LRBA: variants seen among roughly 807,000 people sequenced by gnomAD.
LRBA encodes lipopolysaccharide-responsive and beige-like anchor protein.
In LRBA, 176 loss-of-function variants were observed where a neutral mutation model predicts 330.0. The observed-to-expected ratio is 0.53, with a 90% CI of 0.47 to 0.60. The LOEUF (loss-of-function observed/expected upper bound fraction) is 0.60, where lower values mean the gene tolerates loss of function less well. LRBA is among the 20% of genes least tolerant of loss of function. The pLI, the probability that LRBA is intolerant of heterozygous loss-of-function variation, is 0.00. For synonymous variants in LRBA, 1,230 were observed against 1,193.0 expected (o/e 1.03, Z -0.64); for missense variants, 3,259 against 3,444.8 (o/e 0.95, Z 1.35).
rs1281004079 is a variant in LRBA at position 150,808,338 on chromosome 4, T to C, written c.5366A>G (p.Asp1789Gly). 1 of 1,612,110 alleles carries C rather than the reference T, an allele frequency of 6.2e-7. No homozygotes were observed. The highest frequency in any genetic ancestry group is 8.5e-7 in the Non-Finnish European group (1 of 1,178,694). ...TAAATACCTCATATTTGAAACCGGATCTTGTGAAACTGAATCAACTGTTGG... is the reference window on the plus strand; with the variant it reads ...TAAATACCTCATATTTGAAACCGGACCTTGTGAAACTGAATCAACTGTTGG... The part of the protein sequence containing the change: ...SVPTVDSVSQ[D>G]PVSNMSITER... The change falls in exon 32 of 57, where the codon GAT becomes GGT. Residue 1789 changes from aspartate (D) to glycine (G), a missense_variant. Transcript: ENST00000651943.
chr4:150,838,638 C>T (rs1373882730), intron 28 of LRBA, among the ~76,000 whole-genome samples: 1 of 152,148 alleles, frequency 6.6e-6, no homozygotes, highest in Non-Finnish European at 1.5e-5. Context: ...GTTTTCAGCT[C>T]CATCAGGTCC....
At position 150,683,639 on chromosome 4, in the gene LRBA, G is replaced by A. The variant is rs752669335; in HGVS notation, c.5833C>T (p.Arg1945Cys). The change falls in exon 37 of 57, where the codon CGT becomes TGT. Residue 1945 changes from arginine to cysteine, a missense_variant. Coordinates refer to ENST00000651943, the MANE Select transcript of LRBA (RefSeq NM_001364905.1). ...AGTTGAGTTGCTGTCACGTGGTCACGATATTTTGCTGCTCTTATCAAATGA... is the reference window on the plus strand; with the variant it reads ...AGTTGAGTTGCTGTCACGTGGTCACAATATTTTGCTGCTCTTATCAAATGA... Reference protein sequence around the residue: ...CDHLIRAAKYRDHVTATQLIQ... With the variant: ...CDHLIRAAKYCDHVTATQLIQ... The A allele has an allele frequency of 1.9e-6, 3 of 1,612,996 alleles. No individual in the cohort carries two copies. The highest frequency in any genetic ancestry group is 1.7e-5 in the Admixed American group (1 of 59,944).
chr4:150,669,629 G>A (rs1781872256), intron 37 of LRBA, among the ~76,000 whole-genome samples: 2 of 150,888 alleles, frequency 1.3e-5, no homozygotes, highest in Admixed American at 6.6e-5. Flanking sequence ...GCAATGACAC[G>A]ATTTCAGCTC....
At chr4:150,983,693 G>A (rs577532588) in intron 2 of LRBA, among the ~76,000 whole-genome samples, 5 of 151,606 alleles carry the variant, frequency 3.3e-5, no homozygotes, top group East Asian at 3.9e-4. Context: ...GTCCTCAGGT[G>A]ATCCGCCTGC....
intron 40 of LRBA, among the ~76,000 whole-genome samples, chr4:150,506,470 C>G (rs1761102683): frequency 6.6e-6 from 1 of 152,156 alleles, no homozygotes; most frequent in Non-Finnish European, 1.5e-5. Flanking sequence ...GAACCAAAGA[C>G]AAAAACCACA....
intron 47 of LRBA, among the ~76,000 whole-genome samples, chr4:150,367,187 CTT>C (rs1227475901): frequency 6.6e-6 from 1 of 151,982 alleles, no homozygotes; most frequent in Non-Finnish European, 1.5e-5. Flanking sequence ...GAAAACTAAA[CTT>C]ATAATTTATA....
In LRBA at chr4:150,396,122, T is replaced by C. The variant is rs542345717; in HGVS notation, c.7194+19316A>G. 7.2e-5 allele frequency among the ~76,000 whole-genome samples: 11 copies of C among 152,226 alleles called. No individual in the cohort carries two copies. The South Asian group carries it at 1.9e-3, about 26-fold the overall frequency. On this transcript the variant is annotated intron_variant, in intron 47 of 56. Transcript: ENST00000651943. ...CTAAACAAAGAAGATCCACTCTCAC[T>C]AACATGGGCAGGTATCATCCAATCC...
intron 41 of LRBA, among the ~76,000 whole-genome samples, chr4:150,488,918 C>A (rs1175701748): frequency 8.1e-6 from 1 of 123,140 alleles, no homozygotes; most frequent in Non-Finnish European, 1.7e-5. Flanking sequence ...TATACACACA[C>A]ATAAGAATAT....
intron 47 of LRBA, among the ~76,000 whole-genome samples, chr4:150,408,895 C>T (rs975984674): frequency 2.0e-5 from 3 of 151,832 alleles, no homozygotes; most frequent in Non-Finnish European, 4.4e-5. Context: ...CTTTAATATA[C>T]TTTCATTTTG....
chr4:150,774,324 T>G (rs1279799513), intron 34 of LRBA, among the ~76,000 whole-genome samples: 1 of 152,128 alleles, frequency 6.6e-6, no homozygotes, highest in Non-Finnish European at 1.5e-5. Flanking sequence ...ATCTACCACC[T>G]CAAAGACTTG....
intron 30 of LRBA, among the ~76,000 whole-genome samples, chr4:150,823,957 T>C (rs186918724): frequency 4.9e-4 from 75 of 152,334 alleles, no homozygotes; most frequent in Non-Finnish European, 8.1e-4. Flanking sequence ...ATTTTTTCTA[T>C]TTCTGTGAAG....
At chr4:150,937,729 T>C (rs188801438) in intron 2 of LRBA, among the ~76,000 whole-genome samples, 1 of 152,166 alleles carries the variant, frequency 6.6e-6, no homozygotes, top group Non-Finnish European at 1.5e-5. Context: ...CATAAGGTTA[T>C]AGAAATTTTA....
At chr4:150,492,599 C>A (rs1036870537) in intron 40 of LRBA, among the ~76,000 whole-genome samples, 2 of 152,100 alleles carry the variant, frequency 1.3e-5, no homozygotes, top group African/African-American at 4.8e-5. Context: ...TCTACCATGA[C>A]CAGAGGACCC....
intron 47 of LRBA, among the ~76,000 whole-genome samples, chr4:150,407,581 C>A (rs918256588): frequency 1.3e-5 from 2 of 152,196 alleles, no homozygotes; most frequent in African/African-American, 4.8e-5. Context: ...AATATCCATT[C>A]TTCTAAAGAT....
intron 30 of LRBA, among the ~76,000 whole-genome samples, chr4:150,820,816 A>C (rs748278645): frequency 6.6e-6 from 1 of 152,074 alleles, no homozygotes; most frequent in Non-Finnish European, 1.5e-5. Flanking sequence ...GAGATCTTTA[A>C]CCTATCGTGT....
intron 20 of LRBA, among the ~76,000 whole-genome samples, chr4:150,869,200 T>C (rs1324682552): frequency 6.6e-6 from 1 of 150,812 alleles, no homozygotes. Context: ...ATTACAGGCA[T>C]GAGCCACCAC....
chr4:150,984,273 G>A (rs1741177184), intron 2 of LRBA, among the ~76,000 whole-genome samples: 2 of 152,206 alleles, frequency 1.3e-5, no homozygotes, highest in South Asian at 4.1e-4. Context: ...AGCACTTTGG[G>A]AGGCCAAGGC....
At chr4:150,556,343 T>C (rs1207305642) in intron 40 of LRBA, among the ~76,000 whole-genome samples, 1 of 152,194 alleles carries the variant, frequency 6.6e-6, no homozygotes, top group South Asian at 2.1e-4. Context: ...AAACAGCAAC[T>C]ATGTTTGAAG....
chr4:150,513,456 G>A (rs1762034094), intron 40 of LRBA, among the ~76,000 whole-genome samples: 1 of 152,122 alleles, frequency 6.6e-6, no homozygotes, highest in East Asian at 1.9e-4. Flanking sequence ...TAAACTCACT[G>A]GGAACACAGC....
Sources: allele counts gnomAD v4.1 joint callset (sites outside exome capture counted in the v4.1 genomes callset), GRCh38; gene constraint gnomAD v4.1.1; transcripts MANE v1.5; gene names NCBI Gene and HGNC (gene_info 2026-07-23, HGNC 2026-07-21).